Variants in SPTA1 observed in about 807,000 individuals in gnomAD.
The protein encoded by SPTA1 is spectrin alpha chain, erythrocytic 1.
In SPTA1, 177 loss-of-function variants were observed where a neutral mutation model predicts 324.7. The observed-to-expected ratio is 0.55, with a 90% CI of 0.48 to 0.62. SPTA1 has a LOEUF of 0.62. Among genes scored for constraint, SPTA1 ranks in the 20% least tolerant of loss-of-function variants. The pLI is 0.00. For missense variants in SPTA1, 3,162 were observed against 2,883.6 expected (o/e 1.10, Z -2.21); for synonymous variants, 1,195 against 1,041.3 (o/e 1.15, Z -2.84).
chr1:158,632,759 C>CT (rs34990595), intron 39 of SPTA1, among the ~76,000 whole-genome samples: 44,680 of 138,248 alleles, frequency 0.32, 7,257 homozygotes, highest in African/African-American at 0.44. Context: ...AGGAATTTGG[C>CT]TTTTTTTTTT....
rs960614315 is a variant in SPTA1, at chr1:158,634,653, G to C, written c.5455C>G (p.Leu1819Val). ...TTCTGCATGAATTGCAAGTATTCTA[G>C]GGATTCTTCCAACTTAAGTCCTCTA... The part of the protein sequence containing the change: ...KARGLKLEES[L>V]EYLQFMQNAE... The change falls in exon 39 of 52, where the codon CTA becomes GTA. Residue 1819 changes from leucine to valine, a missense_variant. Leu to Val is a conservative substitution (Grantham distance 32, BLOSUM62 1). Coordinates refer to ENST00000643759, the MANE Select transcript of SPTA1 (RefSeq NM_003126.4). 5 of 1,613,966 alleles carry C rather than the reference G, an allele frequency of 3.1e-6. No individual in the cohort carries two copies. In the African/African-American group the frequency reaches 4.0e-5, roughly 13 times the overall value.
rs1408964063 is a variant in SPTA1 at position 158,683,847 on chromosome 1, A to ATT, written c.265-352_265-351insAA. Among the ~76,000 whole-genome samples the ATT allele has an allele frequency of 4.8e-4, 72 of 149,978 alleles. No individual in the cohort carries two copies. The East Asian group carries it at 0.012, about 25-fold the overall frequency. On this transcript the variant is annotated intron_variant, in intron 2 of 51. Coordinates refer to ENST00000643759, the MANE Select transcript of SPTA1 (RefSeq NM_003126.4). ...TGATAGTTATAATAATGGTTTTTAAAAAAAAAAATTGAGAGTTTTTTTTGC... is the reference window on the plus strand; with the variant it reads ...TGATAGTTATAATAATGGTTTTTAAATTAAAAAAAATTGAGAGTTTTTTTTGC...
At position 158,662,650 on chromosome 1, in the gene SPTA1, A is replaced by C. The variant is rs7544849; in HGVS notation, c.2464+52T>G. On this transcript the variant is annotated intron_variant, in intron 17 of 51. Coordinates refer to ENST00000643759, the MANE Select transcript of SPTA1 (RefSeq NM_003126.4). Reference sequence around the variant, plus strand: ...TACTGTACCCCAGATCTCTCTCAATATATAGACCTTGGTCCTTTCCTAGTG... The same window carrying C: ...TACTGTACCCCAGATCTCTCTCAATCTATAGACCTTGGTCCTTTCCTAGTG... 0.02 allele frequency: 32,075 copies of C among 1,611,746 alleles called. 5,088 individuals carry two copies. In the African/African-American group the frequency reaches 0.36, roughly 18 times the overall value.
At chr1:158,656,188 T>C (rs970344450) in intron 20 of SPTA1, among the ~76,000 whole-genome samples, 4 of 152,004 alleles carry the variant, frequency 2.6e-5, no homozygotes, top group Non-Finnish European at 5.9e-5. Flanking sequence ...TACTTACATA[T>C]AGTAGACATT....
chr1:158,683,697 C>A (rs1015768364), intron 2 of SPTA1, among the ~76,000 whole-genome samples: 1 of 151,946 alleles, frequency 6.6e-6, no homozygotes, highest in African/African-American at 2.4e-5. Context: ...TGATCTATGC[C>A]GAGCCTTATT....
At position 158,661,367 on chromosome 1, in the gene SPTA1, C is replaced by T. The variant is rs1376190202; in HGVS notation, c.2507G>A (p.Arg836Lys). Reference protein sequence around the residue: ...IASKKLLNRHRVILENIASHE... With the variant: ...IASKKLLNRHKVILENIASHE... ...GCTGGCAATGTTCTCCAGGATGACT[C>T]TATGCCTATTCAGAAGCTTTTTGGA... Residue 836 changes from arginine to lysine, a missense_variant, in exon 18 of 52, where the codon AGA becomes AAA. Coordinates refer to ENST00000643759, the MANE Select transcript of SPTA1 (RefSeq NM_003126.4). The T allele has an allele frequency of 6.2e-7, 1 of 1,613,902 alleles. No individual in the cohort carries two copies. The highest frequency in any genetic ancestry group is 1.1e-5 in the South Asian group (1 of 91,082).
At chr1:158,666,708 A>C (rs561057778) in intron 15 of SPTA1, among the ~76,000 whole-genome samples, 1 of 152,194 alleles carries the variant, frequency 6.6e-6, no homozygotes, top group Non-Finnish European at 1.5e-5. Flanking sequence ...TCTCAAAGCA[A>C]AAATAAATAA....
rs1267981367 is a variant in SPTA1 at position 158,667,852 on chromosome 1, T to C, written c.2038+6A>G. 6.2e-7 allele frequency: 1 copy of C among 1,613,688 alleles called. No homozygotes were observed. Among genetic ancestry groups the C allele is most frequent in the East Asian group, 2.2e-5 (1 of 44,810 alleles). On this transcript the variant is annotated splice_donor_region_variant and intron_variant, in intron 15 of 51. Transcript: ENST00000643759. The stretch of plus-strand genomic sequence containing the variant: ...ATGACCTTTCACCAAAACCTCTGCT[T>C]TTTACCTTTCTGTTTTGTAGCCTCC...
chr1:158,629,510 A>T (rs1650542755), intron 39 of SPTA1, among the ~76,000 whole-genome samples: 1 of 151,986 alleles, frequency 6.6e-6, no homozygotes, highest in Non-Finnish European at 1.5e-5. Context: ...CCATCAACAA[A>T]CTAAGAACAG....
chr1:158,639,762 C>T (rs1651392102), intron 34 of SPTA1, 76 bp from the exon 35 acceptor site: 2 of 1,608,540 alleles, frequency 1.2e-6, no homozygotes, highest in Non-Finnish European at 1.7e-6. Flanking sequence ...CAGCTATGTC[C>T]CCAAACTTTT....
chr1:158,686,595 G>GT lies in SPTA1; in HGVS notation c.-79dup. The GT allele has an allele frequency of 1.1e-5, 12 of 1,131,348 alleles. No individual in the cohort carries two copies. Among genetic ancestry groups the GT allele is most frequent in the Non-Finnish European group, 1.2e-5 (9 of 746,806 alleles). 70.1% of individuals were successfully genotyped at this position (1,131,348 alleles called of 1,614,324 possible). On this transcript the variant is annotated 5_prime_UTR_variant, in exon 1 of 52. The change creates a premature stop within an existing upstream ORF in the 5' untranslated region. Coordinates refer to ENST00000643759, the MANE Select transcript of SPTA1 (RefSeq NM_003126.4). ...AGAGAGAAATAATTCAAATGGAACTGTCCAGTCGAATTCAAATAGAAATAT... is the reference window on the plus strand; with the variant it reads ...AGAGAGAAATAATTCAAATGGAACTGTTCCAGTCGAATTCAAATAGAAATAT...
At position 158,623,056 on chromosome 1, in the gene SPTA1, C is replaced by A. The variant is rs199993378; in HGVS notation, c.6047G>T (p.Arg2016Leu). ...IEERYAALLK[R>L]WEQLLEASAV... is the part of the protein sequence containing the mutation. ...CGAGGCTTCCAGCAACTGTTCCCAGCGCTTCAGCAGAGCGGCATAACGCTC... is the reference window on the plus strand; with the variant it reads ...CGAGGCTTCCAGCAACTGTTCCCAGAGCTTCAGCAGAGCGGCATAACGCTC... Residue 2016 changes from arginine (R) to leucine (L), a missense_variant, in exon 43 of 52, where the codon CGC (arginine) becomes CTC (leucine). Arg to Leu is a moderately radical substitution (Grantham distance 102, BLOSUM62 -2). Transcript: ENST00000643759. 3.7e-6 allele frequency: 6 copies of A among 1,614,046 alleles called. No individual in the cohort carries two copies. The highest frequency in any genetic ancestry group is 2.7e-5 in the African/African-American group (2 of 74,920).
At chr1:158,613,695 G>T (rs567760429) in intron 50 of SPTA1, 26 bp downstream of exon 50, 1 of 1,613,148 alleles carries the variant, frequency 6.2e-7, no homozygotes, top group Admixed American at 1.7e-5. Flanking sequence ...TCCCTGCTGC[G>T]GTCTGACCCT....
rs772644757 is a variant in SPTA1 at position 158,686,493 on chromosome 1, C to T, written c.24+1G>A. On this transcript the variant is annotated splice_donor_variant, in intron 1 of 51. Coordinates refer to ENST00000643759, the MANE Select transcript of SPTA1 (RefSeq NM_003126.4). LOFTEE classifies it high-confidence loss of function. ...TGCATGGAAGAGAAATATGTACTTA[C>T]GGTTTCCTTTGGAAATTGCTCCATT... 3.8e-6 allele frequency: 6 copies of T among 1,589,146 alleles called. No individual in the cohort carries two copies. The highest frequency in any genetic ancestry group is 1.1e-5 in the South Asian group (1 of 90,430).
intron 12 of SPTA1, among the ~76,000 whole-genome samples, chr1:158,670,006 T>A (rs182844461): frequency 2.0e-5 from 3 of 152,332 alleles, no homozygotes; most frequent in South Asian, 4.1e-4. Context: ...CAATATTTTT[T>A]AAATACAGGT....
intron 38 of SPTA1, 125 bp downstream of exon 38, chr1:158,635,788 C>G (rs1651023067): frequency 1.4e-6 from 2 of 1,417,018 alleles, no homozygotes; most frequent in African/African-American, 2.8e-5. Flanking sequence ...TGAGAAGGGA[C>G]TTAAGGAGAT....
chr1:158,666,628 A>C, intron 15 of SPTA1, 131 bp from the exon 16 acceptor site: 1 of 813,808 alleles, frequency 1.2e-6, no homozygotes, highest in African/African-American at 1.7e-5. Context: ...TAACTGTCTC[A>C]CATGTCTCAC....
At chr1:158,666,138 C>G (rs1653579031) in intron 16 of SPTA1, among the ~76,000 whole-genome samples, 178 bp downstream of exon 16, 1 of 151,852 alleles carries the variant, frequency 6.6e-6, no homozygotes, top group South Asian at 2.1e-4. Context: ...ATAATAATTA[C>G]TTATTAAGTA....
At chr1:158,682,294 A>G (rs1654870339) in intron 3 of SPTA1, among the ~76,000 whole-genome samples, 2 of 152,122 alleles carry the variant, frequency 1.3e-5, no homozygotes. Flanking sequence ...CAACTACTCC[A>G]TTGCTCTGGG....
Sources: allele counts gnomAD v4.1 joint callset (sites outside exome capture counted in the v4.1 genomes callset), GRCh38; gene constraint gnomAD v4.1.1; transcripts MANE v1.5; gene names NCBI Gene and HGNC (gene_info 2026-07-23, HGNC 2026-07-21).